The following TENM4 variants were observed in gnomAD, a reference collection of about 807,000 sequenced individuals.
TENM4 encodes the protein teneurin transmembrane protein 4, also known as teneurin-4.
TENM4 carries 82 observed loss-of-function variants against 243.3 expected under a neutral mutation model. That is an observed-to-expected ratio of 0.34 (90% CI 0.28 to 0.40). TENM4 has a LOEUF of 0.40. TENM4 is among the 10% of genes least tolerant of loss of function. The pLI is 1.00. For synonymous variants in TENM4, 1,412 were observed against 1,456.3 expected (o/e 0.97, Z 0.69); for missense variants, 3,138 against 3,673.3 (o/e 0.85, Z 3.77).
chr11:78,709,436 T>C (rs1451020768), intron 26 of TENM4, among the ~76,000 whole-genome samples: 1 of 152,158 alleles, frequency 6.6e-6, no homozygotes, highest in Non-Finnish European at 1.5e-5. Context: ...ACCTGCTCCA[T>C]TCACTAGACT....
intron 2 of TENM4, among the ~76,000 whole-genome samples, chr11:79,262,377 C>T (rs911403586): frequency 2.6e-5 from 4 of 152,206 alleles, no homozygotes; most frequent in African/African-American, 9.6e-5. Context: ...AATCTGGACT[C>T]TTCTTTGAAA....
intron 6 of TENM4, among the ~76,000 whole-genome samples, chr11:79,007,621 C>T (rs1382678303): frequency 9.9e-5 from 15 of 152,200 alleles, no homozygotes; most frequent in Non-Finnish European, 1.5e-5. Context: ...TTCCAGAGGG[C>T]TGTGGGTGTC....
rs183975191 is a variant in TENM4, at chr11:78,662,348, G to A, written c.7409-757C>T. ...TGGGATTATAGGTGCCCGTCACCAG[G>A]CCCAGCTAATTTTTGTATTTTTAGT... On this transcript the variant is annotated intron_variant, in intron 32 of 33. Transcript: ENST00000278550. Among the ~76,000 whole-genome samples the A allele has an allele frequency of 3.7e-3, 559 of 152,020 alleles. 6 individuals carry two copies. Among genetic ancestry groups the A allele is most frequent in the Non-Finnish European group, 3.0e-3 (203 of 67,966 alleles).
chr11:79,266,872 C>T (rs1855892135), intron 2 of TENM4, among the ~76,000 whole-genome samples: 1 of 152,150 alleles, frequency 6.6e-6, no homozygotes, highest in Non-Finnish European at 1.5e-5. Flanking sequence ...CTCTGCCCTT[C>T]AGTACCACAG....
At chr11:79,162,466 A>ATTATTTATTTATTTATTTAT (rs148237396) in intron 3 of TENM4, among the ~76,000 whole-genome samples, 41 of 151,082 alleles carry the variant, frequency 2.7e-4, no homozygotes, top group African/African-American at 7.5e-4. Flanking sequence ...ATTTGCTGTT[A>ATTATTTATTTATTTATTTAT]TTATTTATTT....
At chr11:78,753,014 C>T (rs749999585) in intron 19 of TENM4, among the ~76,000 whole-genome samples, 1 of 152,202 alleles carries the variant, frequency 6.6e-6, no homozygotes, top group East Asian at 1.9e-4. Context: ...AATCCCTAGA[C>T]ACATAGACGT....
chr11:78,899,567 G>T lies in TENM4; in HGVS notation c.749+3701C>A, dbSNP rs1224434568. Among the ~76,000 whole-genome samples, 17 of 130,864 alleles carry T rather than the reference G, an allele frequency of 1.3e-4. 1 individual carries two copies. Among genetic ancestry groups the T allele is most frequent in the Admixed American group, 4.6e-4 (6 of 12,960 alleles). The allele number at this position is 130,864 out of a possible 152,430, so 85.9% of individuals were successfully genotyped here. A position where few individuals can be genotyped will look rare whatever the true frequency, so the allele number is the denominator to read the frequency against. On this transcript the variant is annotated intron_variant, in intron 7 of 33. Coordinates refer to ENST00000278550, the MANE Select transcript of TENM4 (RefSeq NM_001098816.3). ...CACTCTGTCTCAAAAAGCGGGGGGG[G>T]GGGGAAAAAGAAAAAAGAAAGAAAA...
chr11:78,656,865 G>C lies in TENM4; in HGVS notation c.*1193C>G, dbSNP rs1857908507. The C allele has an allele frequency of 7.6e-6, 3 of 396,430 alleles. No homozygotes were observed. The highest frequency in any genetic ancestry group is 8.9e-6 in the Non-Finnish European group (2 of 225,284). 24.6% of individuals were successfully genotyped at this position (396,430 alleles called of 1,614,324 possible). ...TCAGCTGGTACATGGAGGCAGATGG[G>C]ACTTTGGGAACTGGTTAGAAGGATG... On this transcript the variant is annotated 3_prime_UTR_variant, in exon 34 of 34. Transcript: ENST00000278550.
intron 14 of TENM4, among the ~76,000 whole-genome samples, chr11:78,806,997 G>C (rs1857403785): frequency 6.6e-6 from 1 of 152,130 alleles, no homozygotes; most frequent in Non-Finnish European, 1.5e-5. Flanking sequence ...ATACCTTCAA[G>C]GTTCATCCAT....
intron 6 of TENM4, among the ~76,000 whole-genome samples, chr11:78,949,841 G>T (rs1857076711): frequency 6.6e-6 from 1 of 152,178 alleles, no homozygotes; most frequent in Admixed American, 6.5e-5. Context: ...AGCTAGGAAA[G>T]CACAGTACAG....
At chr11:79,155,117 G>C (rs1002076522) in intron 3 of TENM4, among the ~76,000 whole-genome samples, 1 of 152,100 alleles carries the variant, frequency 6.6e-6, no homozygotes, top group African/African-American at 2.4e-5. Context: ...CAAGTGAGTA[G>C]CTTGTCTCCC....
intron 6 of TENM4, among the ~76,000 whole-genome samples, chr11:78,966,193 T>TAAAAAAAAAAA (rs34603312): frequency 2.3e-5 from 3 of 131,598 alleles, no homozygotes; most frequent in Non-Finnish European, 3.2e-5. Context: ...AAAGGAAAAT[T>TAAAAAAAAAAA]AAAAAAAAAA....
At chr11:78,702,436 G>A in intron 27 of TENM4, 33 bp from the exon 28 acceptor site, 1 of 1,585,176 alleles carries the variant, frequency 6.3e-7, no homozygotes, top group Non-Finnish European at 8.6e-7. Context: ...TCAAATGACT[G>A]GCAAGATGCC....
At chr11:78,732,904 GC>G (rs1855701237) in intron 20 of TENM4, among the ~76,000 whole-genome samples, 1 of 152,184 alleles carries the variant, frequency 6.6e-6, no homozygotes, top group Non-Finnish European at 1.5e-5. Flanking sequence ...AGAGCTGAAA[GC>G]CCAGTGAAAA....
chr11:78,866,647 AC>A (rs1858985550), intron 9 of TENM4, among the ~76,000 whole-genome samples: 1 of 151,972 alleles, frequency 6.6e-6, no homozygotes, highest in Non-Finnish European at 1.5e-5. Flanking sequence ...TCTCCACTGT[AC>A]CCCCCTGGCA....
chr11:78,906,119 C>T (rs1423293279), intron 6 of TENM4, among the ~76,000 whole-genome samples: 2 of 152,240 alleles, frequency 1.3e-5, no homozygotes, highest in African/African-American at 4.8e-5. Context: ...AGGAGTCAAC[C>T]TCATGGCATT....
chr11:78,722,578 T>C, intron 24 of TENM4, 90 bp downstream of exon 24: 1 of 1,521,654 alleles, frequency 6.6e-7, no homozygotes, highest in Non-Finnish European at 8.9e-7. Context: ...CCTATCCCAC[T>C]TCCCTGGGCT....
intron 6 of TENM4, among the ~76,000 whole-genome samples, chr11:79,017,267 TA>T (rs1858801108): frequency 6.6e-6 from 1 of 152,116 alleles, no homozygotes; most frequent in South Asian, 2.1e-4. Context: ...ATAGTCTAGA[TA>T]AAAGAGGCGG....
chr11:78,972,761 T>C (rs541947085), intron 6 of TENM4, among the ~76,000 whole-genome samples: 1 of 152,188 alleles, frequency 6.6e-6, no homozygotes, highest in South Asian at 2.1e-4. Flanking sequence ...ATTGCAACCA[T>C]CACCACAATC....
Sources: gnomAD v4.1 joint callset for allele counts (sites outside exome capture counted in the v4.1 genomes callset) on GRCh38, gnomAD v4.1.1 for gene constraint, MANE v1.5 for transcripts, NCBI Gene and HGNC (gene_info 2026-07-23, HGNC 2026-07-21) for gene names.